The following MRPL50 variants were observed in gnomAD, a reference collection of about 807,000 sequenced individuals.
MRPL50 encodes large ribosomal subunit protein mL50.
In MRPL50, 10 loss-of-function variants were observed where a neutral mutation model predicts 16.2. That is an observed-to-expected ratio of 0.62 (90% CI 0.38 to 1.05). The LOEUF is 1.05. Among genes scored for constraint, MRPL50 ranks in the 50% least tolerant of loss-of-function variants. MRPL50 has a pLI of 0.01. For missense variants in MRPL50, 213 were observed against 187.1 expected, an observed-to-expected ratio of 1.14 and a Z score of -0.81; for synonymous variants, 68 against 66.8, an observed-to-expected ratio of 1.02 and a Z score of -0.09.
chr9:101,391,020 C>A (rs993920860), intron 1 of MRPL50, among the ~76,000 whole-genome samples, 170 bp from the exon 2 acceptor site: 1 of 152,038 alleles, frequency 6.6e-6, no homozygotes, highest in African/African-American at 2.4e-5. Flanking sequence ...CATGGTTGAA[C>A]TGAGTTGGGA....
rs1830249107 is a variant in MRPL50 at position 101,390,053 on chromosome 9, GTATC to G, written c.*409_*412del. ...ACATACTTTTATGTTTCTTTTATAG[GTATC>G]TATCTAATAAAAGTTTATTTGTGTA... On this transcript the variant is annotated 3_prime_UTR_variant, in exon 2 of 2. Coordinates refer to ENST00000374865, the MANE Select transcript of MRPL50 (RefSeq NM_019051.3). The G allele has an allele frequency of 1.0e-6, 1 of 954,582 alleles. No homozygotes were observed. The highest frequency in any genetic ancestry group is 1.2e-6 in the Non-Finnish European group (1 of 800,266). 59.1% of individuals were successfully genotyped at this position (954,582 alleles called of 1,614,324 possible).
At chr9:101,397,912 G>A (rs1830381298) in intron 1 of MRPL50, among the ~76,000 whole-genome samples, 1 of 152,234 alleles carries the variant, frequency 6.6e-6, no homozygotes, top group Admixed American at 6.5e-5. Flanking sequence ...ATATGTTCTA[G>A]ATCCAGCTTT....
At chr9:101,398,394 T>C in intron 1 of MRPL50, 107 bp downstream of exon 1, 1 of 1,082,230 alleles carries the variant, frequency 9.2e-7, no homozygotes. Flanking sequence ...TTGTCCTTGC[T>C]CTGATCAGGC....
chr9:101,391,337 C>A (rs1830267180), intron 1 of MRPL50, among the ~76,000 whole-genome samples: 1 of 152,028 alleles, frequency 6.6e-6, no homozygotes, highest in South Asian at 2.1e-4. Context: ...TAAAATTGTT[C>A]TCTTCCAAGA....
intron 1 of MRPL50, among the ~76,000 whole-genome samples, chr9:101,394,737 G>T (rs921411973): frequency 6.6e-6 from 1 of 152,028 alleles, no homozygotes; most frequent in Admixed American, 6.6e-5. Flanking sequence ...CATTGGTCTG[G>T]GCAACGACTT....
rs542598188 is a variant in MRPL50 at position 101,389,241 on chromosome 9, T to G, written c.*1225A>C. 4.2e-6 allele frequency: 1 copy of G among 235,528 alleles called. No homozygotes were observed. Among genetic ancestry groups the G allele is most frequent in the Non-Finnish European group, 8.6e-6 (1 of 116,086 alleles). The allele number at this position is 235,528 out of a possible 1,614,324, so 14.6% of individuals were successfully genotyped here. On this transcript the variant is annotated 3_prime_UTR_variant, in exon 2 of 2. Transcript: ENST00000374865. ...TACATAATATGCAAATACTACATCA[T>G]TTTATAAAAGGGGCTTGGGCATCTG...
At chr9:101,395,823 G>T (rs1470717892) in intron 1 of MRPL50, among the ~76,000 whole-genome samples, 3 of 146,606 alleles carry the variant, frequency 2.0e-5, no homozygotes, top group African/African-American at 7.3e-5. Flanking sequence ...GTTAAAAGGA[G>T]TAATACAGTT....
rs529909224 is a variant in MRPL50 at position 101,392,250 on chromosome 9, A to G, written c.93-1400T>C. On this transcript the variant is annotated intron_variant, in intron 1 of 1. Coordinates refer to ENST00000374865, the MANE Select transcript of MRPL50 (RefSeq NM_019051.3). ...TAAACAATCTAAAGATGTACCTTAA[A>G]TTAGAAAAAGACAAACCAAATCCAA... Among the ~76,000 whole-genome samples the G allele has an allele frequency of 1.1e-4, 16 of 152,120 alleles. No individual in the cohort carries two copies. The East Asian group carries it at 2.7e-3, about 26-fold the overall frequency.
intron 1 of MRPL50, among the ~76,000 whole-genome samples, chr9:101,398,277 G>A (rs183963909): frequency 6.6e-6 from 1 of 152,158 alleles, no homozygotes; most frequent in African/African-American, 2.4e-5. Context: ...AAAGGAAAGG[G>A]GGTGGTATTT....
rs969315629 is a variant in MRPL50, at chr9:101,388,818, G to C, written c.*1648C>G. On this transcript the variant is annotated 3_prime_UTR_variant, in exon 2 of 2. Coordinates refer to ENST00000374865, the MANE Select transcript of MRPL50 (RefSeq NM_019051.3). ...AAAAAAAGATGACTGCATCTGTACT[G>C]AATATGTATACTTTTTTTCCTTCTC... is the stretch of plus-strand genomic sequence containing the variant. 6.6e-6 allele frequency: 1 copy of C among 152,120 alleles called. No individual in the cohort carries two copies. The highest frequency in any genetic ancestry group is 1.5e-5 in the Non-Finnish European group (1 of 68,014). The allele number at this position is 152,120 out of a possible 1,614,324, so 9.4% of individuals were successfully genotyped here. A position where few individuals can be genotyped will look rare whatever the true frequency, so the allele number is the denominator to read the frequency against.
In MRPL50 at chr9:101,398,572, C is replaced by T. The variant is rs1249510796; in HGVS notation, c.21G>A (p.Ser7=). Residue 7 remains serine (S), a synonymous_variant, in exon 1 of 2, where the codon TCG becomes TCA. Coordinates refer to ENST00000374865, the MANE Select transcript of MRPL50 (RefSeq NM_019051.3). MAARSV[S]GITRRVFMWT... Reference sequence around the variant, plus strand: ...ACATGAAGACTCTTCTGGTAATGCCCGACACAGATCGCGCCGCCATCTTCG... The same window carrying T: ...ACATGAAGACTCTTCTGGTAATGCCTGACACAGATCGCGCCGCCATCTTCG... 3 of 1,613,798 alleles carry T rather than the reference C, an allele frequency of 1.9e-6. No individual in the cohort carries two copies. The highest frequency in any genetic ancestry group is 4.5e-5 in the East Asian group (2 of 44,866).
chr9:101,398,443 T>C, intron 1 of MRPL50, 58 bp downstream of exon 1: 1 of 1,497,010 alleles, frequency 6.7e-7, no homozygotes, highest in Non-Finnish European at 9.3e-7. Flanking sequence ...TTTGAATTCG[T>C]CCCTAATCCT....
intron 1 of MRPL50, among the ~76,000 whole-genome samples, chr9:101,396,687 T>C (rs2118146745): frequency 6.6e-6 from 1 of 152,290 alleles, no homozygotes; most frequent in South Asian, 2.1e-4. Flanking sequence ...CTCACGCCTG[T>C]AATCCCAGCA....
rs1425045865 is a variant in MRPL50 at position 101,390,044 on chromosome 9, CTT to C, written c.*420_*421del. 4.2e-6 allele frequency: 4 copies of C among 950,828 alleles called. No homozygotes were observed. The highest frequency in any genetic ancestry group is 5.0e-6 in the Non-Finnish European group (4 of 797,172). 58.9% of individuals were successfully genotyped at this position (950,828 alleles called of 1,614,324 possible). On this transcript the variant is annotated 3_prime_UTR_variant, in exon 2 of 2. Coordinates refer to ENST00000374865, the MANE Select transcript of MRPL50 (RefSeq NM_019051.3). ...TAATACACAACATACTTTTATGTTT[CTT>C]TTATAGGTATCTATCTAATAAAAGT... is the stretch of plus-strand genomic sequence containing the variant.
chr9:101,395,480 A>G (rs575385255), intron 1 of MRPL50, among the ~76,000 whole-genome samples: 19 of 152,364 alleles, frequency 1.2e-4, no homozygotes, highest in African/African-American at 4.3e-4. Context: ...TTATTACAGC[A>G]CTATTCACAA....
At chr9:101,394,448 A>G (rs941516479) in intron 1 of MRPL50, among the ~76,000 whole-genome samples, 2 of 152,104 alleles carry the variant, frequency 1.3e-5, no homozygotes, top group African/African-American at 4.8e-5. Flanking sequence ...TAGACCCCCT[A>G]TGATTTCATT....
Position 101,390,370 on chromosome 9 carries a change from G to A in MRPL50, c.*96C>T. ...AAAGTGGGTTTAGAGAACAGTTCTGGTAGTATTTCACATGGTAAAGTATCA... is the reference window on the plus strand; with the variant it reads ...AAAGTGGGTTTAGAGAACAGTTCTGATAGTATTTCACATGGTAAAGTATCA... On this transcript the variant is annotated 3_prime_UTR_variant, in exon 2 of 2. Transcript: ENST00000374865. The A allele has an allele frequency of 1.3e-6, 2 of 1,515,790 alleles. No homozygotes were observed. The highest frequency in any genetic ancestry group is 1.8e-6 in the Non-Finnish European group (2 of 1,135,614). The allele number at this position is 1,515,790 out of a possible 1,614,324, so 93.9% of individuals were successfully genotyped here.
At chr9:101,394,840 T>C (rs144263244) in intron 1 of MRPL50, among the ~76,000 whole-genome samples, 43 of 151,750 alleles carry the variant, frequency 2.8e-4, no homozygotes, top group African/African-American at 8.9e-4. Context: ...GAAGAAAACA[T>C]TGGGGAGATG....
rs371153679 is a variant in MRPL50 at position 101,398,607 on chromosome 9, A to T, written c.-15T>A. 1.2e-6 allele frequency: 2 copies of T among 1,612,638 alleles called. No individual in the cohort carries two copies. Among genetic ancestry groups the T allele is most frequent in the Non-Finnish European group, 8.5e-7 (1 of 1,179,836 alleles). ...CGCGCCGCCATCTTCGATGAGATCC[A>T]CGGGCCTGAGCGCAGCCTTCAGCCA... On this transcript the variant is annotated 5_prime_UTR_variant, in exon 1 of 2. Transcript: ENST00000374865.
Sources: gnomAD v4.1 joint callset for allele counts (sites outside exome capture counted in the v4.1 genomes callset) on GRCh38, gnomAD v4.1.1 for gene constraint, MANE v1.5 for transcripts, NCBI Gene and HGNC (gene_info 2026-07-23, HGNC 2026-07-21) for gene names.